SYNGR1: variants seen among roughly 807,000 people sequenced by gnomAD.
SYNGR1 encodes synaptogyrin 1, also known as synaptogyrin-1.
A neutral mutation model predicts 26.1 loss-of-function variants in SYNGR1; 14 were observed. That is an observed-to-expected ratio of 0.54 (90% CI 0.35 to 0.84). The LOEUF (loss-of-function observed/expected upper bound fraction) is 0.84. Ranked by LOEUF, SYNGR1 falls within the 40% of genes least tolerant of loss-of-function variation. The pLI is 0.01. For synonymous variants in SYNGR1, 141 were observed against 150.1 expected (o/e 0.94, Z 0.44); for missense variants, 319 against 332.9 (o/e 0.96, Z 0.33).
intron 3 of SYNGR1, 154 bp downstream of exon 3, chr22:39,376,351 A>G (rs2145631420): frequency 7.6e-7 from 1 of 1,322,630 alleles, no homozygotes; most frequent in South Asian, 1.2e-5. Context: ...CGGCGCTCAC[A>G]GTGGTGCTGC....
At chr22:39,373,454 C>A (rs1022158351) in intron 1 of SYNGR1, among the ~76,000 whole-genome samples, 6 of 151,936 alleles carry the variant, frequency 3.9e-5, no homozygotes, top group Non-Finnish European at 4.4e-5. Context: ...GCGTGAGCGA[C>A]CACGCCTGGC....
chr22:39,358,529 G>A (rs1334189487), intron 1 of SYNGR1, among the ~76,000 whole-genome samples: 4 of 151,564 alleles, frequency 2.6e-5, no homozygotes, highest in Non-Finnish European at 5.9e-5. Flanking sequence ...TGAAGCCAGC[G>A]AGACCACGAG....
intron 3 of SYNGR1, chr22:39,377,104 C>T (rs1925318227): frequency 1.3e-6 from 2 of 1,544,322 alleles, no homozygotes; most frequent in African/African-American, 2.7e-5. Flanking sequence ...GCGAGCACTT[C>T]TGGGCCCAGC....
intron 3 of SYNGR1, among the ~76,000 whole-genome samples, chr22:39,376,768 C>T (rs1354315494): frequency 6.6e-6 from 1 of 151,012 alleles, no homozygotes; most frequent in African/African-American, 2.5e-5. Context: ...ATCCTAAGTC[C>T]TAAGAGGGTA....
intron 1 of SYNGR1, chr22:39,364,061 C>G: frequency 6.8e-7 from 1 of 1,465,814 alleles, no homozygotes; most frequent in Admixed American, 1.9e-5. Flanking sequence ...CGACGCCCTG[C>G]AGTGGGTCCT....
Position 39,374,398 on chromosome 22 carries a change from A to G in SYNGR1, c.182A>G (p.Tyr61Cys), listed in dbSNP as rs759016697. 1 of 1,614,050 alleles carries G rather than the reference A, an allele frequency of 6.2e-7. No individual in the cohort carries two copies. Among genetic ancestry groups the G allele is most frequent in the Non-Finnish European group, 8.5e-7 (1 of 1,180,024 alleles). Residue 61 changes from tyrosine (Y) to cysteine (C), a missense_variant, in exon 2 of 4, where the codon TAC (tyrosine) becomes TGC (cysteine). Coordinates refer to ENST00000328933, the MANE Select transcript of SYNGR1 (RefSeq NM_004711.5). ...TCCGAGGGGGAGGAGTTCTGCATCT[A>G]CAACCGCAACCCCAACGCCTGCAGC... ...SASEGEEFCI[Y>C]NRNPNACSYG... is the part of the protein sequence containing the mutation.
Position 39,383,358 on chromosome 22 carries a change from T to C in SYNGR1, c.*1444T>C, listed in dbSNP as rs1241765244. On this transcript the variant is annotated 3_prime_UTR_variant, in exon 4 of 4. Transcript: ENST00000328933. ...GGCATGGGAGGCCCAGGGAAGACCA[T>C]GGGCTGTAGGGGAGAGTGTGGCAGG... 6.6e-6 allele frequency: 1 copy of C among 152,388 alleles called. No individual in the cohort carries two copies. Among genetic ancestry groups the C allele is most frequent in the Non-Finnish European group, 1.5e-5 (1 of 68,148 alleles). The allele number at this position is 152,388 out of a possible 1,614,324, so 9.4% of individuals were successfully genotyped here.
intron 1 of SYNGR1, among the ~76,000 whole-genome samples, chr22:39,367,798 G>A (rs1456568107): frequency 1.3e-5 from 2 of 149,994 alleles, no homozygotes; most frequent in Non-Finnish European, 3.0e-5. Flanking sequence ...ACTCCAGCCT[G>A]GGCAACAGAG....
At chr22:39,381,576 C>A in intron 3 of SYNGR1, 120 bp from the exon 4 acceptor site, 1 of 1,022,546 alleles carries the variant, frequency 9.8e-7, no homozygotes. Context: ...CTTTGAGGAT[C>A]TTTAACCCTC....
At chr22:39,376,301 GCC>G in intron 3 of SYNGR1, 104 bp downstream of exon 3, 1 of 1,576,122 alleles carries the variant, frequency 6.3e-7, no homozygotes, top group Non-Finnish European at 8.7e-7. Context: ...GCCTCTGGGA[GCC>G]CACACTACCC....
intron 1 of SYNGR1, among the ~76,000 whole-genome samples, chr22:39,372,852 C>G (rs1925093442): frequency 6.6e-6 from 1 of 151,982 alleles, no homozygotes; most frequent in Non-Finnish European, 1.5e-5. Context: ...GGCTCAGTTC[C>G]CTGTGGGCAG....
chr22:39,350,199 C>T lies in SYNGR1; in HGVS notation c.99+90C>T. ...CGCCCGGACCGACCCCGACCCCGACCCCAACGGGCCCCCGGCGGCGGCGCG... is the reference window on the plus strand; with the variant it reads ...CGCCCGGACCGACCCCGACCCCGACTCCAACGGGCCCCCGGCGGCGGCGCG... On this transcript the variant is annotated intron_variant, in intron 1 of 3. Coordinates refer to ENST00000328933, the MANE Select transcript of SYNGR1 (RefSeq NM_004711.5). The surrounding 1 kb of genome is among the most constrained non-coding windows in gnomAD (Gnocchi z 4.3). 1.6e-6 allele frequency: 1 copy of T among 632,656 alleles called. No individual in the cohort carries two copies. The highest frequency in any genetic ancestry group is 2.1e-6 in the Non-Finnish European group (1 of 473,518). 39.2% of individuals were successfully genotyped at this position (632,656 alleles called of 1,614,324 possible). A position where few individuals can be genotyped will look rare whatever the true frequency, so the allele number is the denominator to read the frequency against.
chr22:39,375,865 G>A (rs146055510), intron 2 of SYNGR1, 187 bp from the exon 3 acceptor site: 57 of 782,638 alleles, frequency 7.3e-5, no homozygotes, highest in Admixed American at 3.5e-4. Flanking sequence ...CCCTCTTCTC[G>A]CCTGCATCTT....
intron 1 of SYNGR1, among the ~76,000 whole-genome samples, chr22:39,359,374 C>T (rs552352452): frequency 1.6e-4 from 25 of 152,026 alleles, no homozygotes; most frequent in African/African-American, 5.8e-4. Context: ...GTAATCCTAG[C>T]ATTTTGGGAG....
rs71197177 is a variant in SYNGR1 at position 39,372,123 on chromosome 22, C to CTT, written c.100-2169_100-2168dup. On this transcript the variant is annotated intron_variant, in intron 1 of 3. Coordinates refer to ENST00000328933, the MANE Select transcript of SYNGR1 (RefSeq NM_004711.5). ...AGGCTCAACTGAGGGTAGATCCATT[C>CTT]TTTTTTTTTTTTTTTTTTTTTTTTT... Among the ~76,000 whole-genome samples the CTT allele has an allele frequency of 8.2e-3, 572 of 70,184 alleles. 1 individual carries two copies. Among genetic ancestry groups the CTT allele is most frequent in the African/African-American group, 9.7e-3 (181 of 18,674 alleles). 46.0% of individuals were successfully genotyped at this position (70,184 alleles called of 152,430 possible). A position where few individuals can be genotyped will look rare whatever the true frequency, so the allele number is the denominator to read the frequency against.
Position 39,350,173 on chromosome 22 carries a change from G to A in SYNGR1, c.99+64G>A. 2 of 1,194,530 alleles carry A rather than the reference G, an allele frequency of 1.7e-6. No homozygotes were observed. The highest frequency in any genetic ancestry group is 2.1e-6 in the Non-Finnish European group (2 of 934,340). 74.0% of individuals were successfully genotyped at this position (1,194,530 alleles called of 1,614,324 possible). ...TGGTGGGGGTGTGAGCAAAGGCGGC[G>A]CGCCCGGACCGACCCCGACCCCGAC... On this transcript the variant is annotated intron_variant, in intron 1 of 3. Transcript: ENST00000328933. The surrounding 1 kb of genome is among the most constrained non-coding windows in gnomAD (Gnocchi z 4.3).
At chr22:39,363,643 C>T (rs1190413149) in intron 1 of SYNGR1, among the ~76,000 whole-genome samples, 1 of 152,098 alleles carries the variant, frequency 6.6e-6, no homozygotes, top group Non-Finnish European at 1.5e-5. Context: ...ACTTTATCTT[C>T]AGCCAGCGGA....
chr22:39,357,842 AG>A (rs1335926586), intron 1 of SYNGR1, among the ~76,000 whole-genome samples: 3 of 152,222 alleles, frequency 2.0e-5, no homozygotes, highest in African/African-American at 7.2e-5. Flanking sequence ...CCCTCGGGGC[AG>A]GGCTCGGGAC....
At chr22:39,375,914 T>C (rs1198236421) in intron 2 of SYNGR1, 138 bp from the exon 3 acceptor site, 17 of 1,170,290 alleles carry the variant, frequency 1.5e-5, no homozygotes, top group Middle Eastern at 3.9e-4. Context: ...CCCCTTTGCC[T>C]GTCCCTTTGG....
Sources: allele counts gnomAD v4.1 joint callset (sites outside exome capture counted in the v4.1 genomes callset), GRCh38; gene constraint gnomAD v4.1.1; non-coding constraint Gnocchi (gnomAD v3.1); transcripts MANE v1.5; gene names NCBI Gene and HGNC (gene_info 2026-07-23, HGNC 2026-07-21).